The following CFAP54 variants were observed in gnomAD, a reference collection of about 807,000 sequenced individuals.
The protein encoded by CFAP54 is cilia and flagella associated protein 54, also known as cilia- and flagella-associated protein 54.
CFAP54 carries 290 observed loss-of-function variants against 370.4 expected under a neutral mutation model. The observed-to-expected ratio is 0.78, with a 90% CI of 0.71 to 0.86. The LOEUF (loss-of-function observed/expected upper bound fraction) is 0.86. Ranked by LOEUF, CFAP54 falls within the 40% of genes least tolerant of loss-of-function variation. CFAP54 has a pLI of 0.00. For missense variants in CFAP54, 3,399 were observed against 3,528.7 expected, an observed-to-expected ratio of 0.96 and a Z score of 0.93; for synonymous variants, 1,206 against 1,236.5, an observed-to-expected ratio of 0.98 and a Z score of 0.52.
intron 17 of CFAP54, among the ~76,000 whole-genome samples, chr12:96,556,993 A>G (rs749585755): frequency 1.3e-5 from 2 of 152,136 alleles, no homozygotes; most frequent in Non-Finnish European, 2.9e-5. Flanking sequence ...CTGTATAACA[A>G]ACTCCCATGA....
rs1592693059 is a variant in CFAP54, at chr12:96,658,312, C to T, written c.5426C>T (p.Pro1809Leu). The change falls in exon 38 of 68, where the codon CCT (proline) becomes CTT (leucine). Residue 1809 changes from proline to leucine, a missense_variant. Pro to Leu is a moderately conservative substitution (Grantham distance 98). Transcript: ENST00000524981. ...KFKGPDITQQPCARYEAEYGE... is the reference protein window; with the variant it reads ...KFKGPDITQQLCARYEAEYGE... ...AAGGGCCCAGATATTACCCAACAAC[C>T]TTGTGCAAGGTATGAGGCTGAATAT... 5 of 1,614,006 alleles carry T rather than the reference C, an allele frequency of 3.1e-6. 1 individual carries two copies. The South Asian group carries it at 4.4e-5, about 14-fold the overall frequency.
At chr12:96,830,461 A>G (rs2136760054) in intron 66 of CFAP54, among the ~76,000 whole-genome samples, 1 of 152,134 alleles carries the variant, frequency 6.6e-6, no homozygotes, top group East Asian at 1.9e-4. Context: ...TTAATGACTA[A>G]TGATGTTGAG....
At chr12:96,532,532 C>A (rs935014053) in intron 9 of CFAP54, among the ~76,000 whole-genome samples, 3 of 152,210 alleles carry the variant, frequency 2.0e-5, no homozygotes, top group Non-Finnish European at 4.4e-5. Flanking sequence ...GATCCTTTCC[C>A]ACTATCTCTC....
At chr12:96,586,640 C>A (rs1472240437) in intron 22 of CFAP54, among the ~76,000 whole-genome samples, 1 of 152,122 alleles carries the variant, frequency 6.6e-6, no homozygotes, top group East Asian at 1.9e-4. Context: ...GCTTGTGTGA[C>A]TGGAGCAGAG....
At chr12:96,750,716 C>T (rs939137743) in intron 55 of CFAP54, among the ~76,000 whole-genome samples, 1 of 152,160 alleles carries the variant, frequency 6.6e-6, no homozygotes, top group Non-Finnish European at 1.5e-5. Flanking sequence ...ACTTTTCTGA[C>T]TTACTAATCT....
At position 96,615,539 on chromosome 12, in the gene CFAP54, G is replaced by A. The variant is rs557403600; in HGVS notation, c.3640-6051G>A. Among the ~76,000 whole-genome samples the A allele has an allele frequency of 6.4e-3, 972 of 152,264 alleles. 9 individuals are homozygous for A. The highest frequency in any genetic ancestry group is 0.024 in the Middle Eastern group (7 of 294). ...GATCTAATTAAACTAAAGAGCTTCT[G>A]CACAGCAAAAGAAACTACCATCAGA... On this transcript the variant is annotated intron_variant, in intron 26 of 67. Coordinates refer to ENST00000524981, the MANE Select transcript of CFAP54 (RefSeq NM_001306084.2).
chr12:96,817,999 C>T lies in CFAP54; in HGVS notation c.9096+86C>T, dbSNP rs1958996000. The stretch of plus-strand genomic sequence containing the variant: ...AGAACTATGTAACTGGACTTAAACT[C>T]TGTAATTCTTCTGCCTCTAGTTTAT... On this transcript the variant is annotated intron_variant, in intron 65 of 67. Transcript: ENST00000524981. 1.3e-5 allele frequency: 13 copies of T among 982,914 alleles called. No individual in the cohort carries two copies. The South Asian group carries it at 3.5e-4, about 26-fold the overall frequency. 60.9% of individuals were successfully genotyped at this position (982,914 alleles called of 1,614,324 possible).
At chr12:96,726,866 G>A (rs1957846836) in intron 50 of CFAP54, among the ~76,000 whole-genome samples, 2 of 151,412 alleles carry the variant, frequency 1.3e-5, no homozygotes, top group South Asian at 2.1e-4. Context: ...AGAGATTCTG[G>A]TATGTTGTGT....
chr12:96,829,322 C>T (rs1031555979), intron 66 of CFAP54, among the ~76,000 whole-genome samples: 1 of 152,044 alleles, frequency 6.6e-6, no homozygotes, highest in East Asian at 1.9e-4. Context: ...TTTAAAGTCA[C>T]CTCAAATCTA....
In CFAP54 at chr12:96,518,966, G is replaced by A; in HGVS notation, c.837G>A (p.Glu279=). The A allele has an allele frequency of 2.0e-6, 3 of 1,536,004 alleles. No homozygotes were observed. The highest frequency in any genetic ancestry group is 1.4e-5 in the African/African-American group (1 of 73,150). The change falls in exon 6 of 68, where the codon GAG becomes GAA. Residue 279 remains glutamate, a synonymous_variant. Transcript: ENST00000524981. ...TCCTGTGGGCCAGCATGTGTATGGAGTCCTTGGTCCCGCTCCTGTCACTCA... is the reference window on the plus strand; with the variant it reads ...TCCTGTGGGCCAGCATGTGTATGGAATCCTTGGTCCCGCTCCTGTCACTCA... ...EYLLWASMCM[E]SLVPLLSLRY... is the part of the protein sequence containing the mutation.
chr12:96,642,518 C>G (rs369466948), intron 32 of CFAP54, among the ~76,000 whole-genome samples: 3 of 152,082 alleles, frequency 2.0e-5, no homozygotes, highest in African/African-American at 4.8e-5. Flanking sequence ...GTATCTAAAA[C>G]CATAAATTCA....
At chr12:96,622,538 T>A (rs1026809953) in intron 27 of CFAP54, among the ~76,000 whole-genome samples, 5 of 152,016 alleles carry the variant, frequency 3.3e-5, no homozygotes, top group Non-Finnish European at 5.9e-5. Flanking sequence ...TTAGTAGAGA[T>A]GGGGTTTCAC....
Position 96,566,279 on chromosome 12 carries a change from A to G in CFAP54, c.2619+1514A>G, listed in dbSNP as rs77792427. On this transcript the variant is annotated intron_variant, in intron 19 of 67. Coordinates refer to ENST00000524981, the MANE Select transcript of CFAP54 (RefSeq NM_001306084.2). ...CATGAGGGTGGAAAATTGAACTGGG[A>G]AAGTAAAGATAATGTGGAGAGTGGG... 4.1e-3 allele frequency among the ~76,000 whole-genome samples: 623 copies of G among 152,266 alleles called. 4 individuals are homozygous for G. The highest frequency in any genetic ancestry group is 0.014 in the African/African-American group (597 of 41,530).
chr12:96,499,946 C>T (rs768595594), intron 1 of CFAP54, among the ~76,000 whole-genome samples: 2 of 116,224 alleles, frequency 1.7e-5, no homozygotes, highest in Non-Finnish European at 3.9e-5. Context: ...GACTCCATCT[C>T]AAAAACAAAA....
intron 29 of CFAP54, among the ~76,000 whole-genome samples, 185 bp from the exon 30 acceptor site, chr12:96,626,628 A>G (rs979767470): frequency 6.6e-6 from 1 of 152,190 alleles, no homozygotes; most frequent in Non-Finnish European, 1.5e-5. Context: ...TAAAGGATTC[A>G]TTGATATTAG....
intron 5 of CFAP54, among the ~76,000 whole-genome samples, chr12:96,514,868 A>C (rs1005192075): frequency 6.6e-6 from 1 of 152,226 alleles, no homozygotes; most frequent in Non-Finnish European, 1.5e-5. Context: ...TTCAACCATA[A>C]GGAAACCATG....
In CFAP54 at chr12:96,742,499, T is replaced by C. The variant is rs1327023328; in HGVS notation, c.7132T>C (p.Tyr2378His). The change falls in exon 52 of 68, where the codon TAT (tyrosine) becomes CAT (histidine). Residue 2378 changes from tyrosine (Y) to histidine (H), a missense_variant. By Grantham distance (83) the Tyr-to-His change is moderately conservative (BLOSUM62 2). Transcript: ENST00000524981. ...LDPISLNARE[Y>H]FNIHLWLRCR... Reference sequence around the variant, plus strand: ...TCCTATTTCCCTAAATGCCCGAGAATATTTCAACATTCATCTGTGGTTGAG... The same window carrying C: ...TCCTATTTCCCTAAATGCCCGAGAACATTTCAACATTCATCTGTGGTTGAG... 1 of 1,611,992 alleles carries C rather than the reference T, an allele frequency of 6.2e-7. No individual in the cohort carries two copies. The highest frequency in any genetic ancestry group is 1.3e-5 in the African/African-American group (1 of 74,982).
At chr12:96,740,157 G>A in intron 51 of CFAP54, 96 bp downstream of exon 51, 1 of 700,472 alleles carries the variant, frequency 1.4e-6, no homozygotes, top group East Asian at 2.8e-5. Context: ...AAGCAAAGGA[G>A]TAAAGTAGAA....
intron 16 of CFAP54, 128 bp downstream of exon 16, chr12:96,554,438 C>T: frequency 4.1e-6 from 5 of 1,230,078 alleles, no homozygotes; most frequent in Non-Finnish European, 5.4e-6. Flanking sequence ...ATATATTTCC[C>T]TCTTCCCAGA....
Sources: allele counts gnomAD v4.1 joint callset (sites outside exome capture counted in the v4.1 genomes callset), GRCh38; gene constraint gnomAD v4.1.1; transcripts MANE v1.5; gene names NCBI Gene and HGNC (gene_info 2026-07-23, HGNC 2026-07-21).